The following STON2 variants were observed in gnomAD, a reference collection of about 807,000 sequenced individuals.
The protein encoded by STON2 is stonin 2.
Under a neutral mutation model 65.7 loss-of-function variants are expected in STON2, and 29 were observed. The observed-to-expected ratio is 0.44, with a 90% CI of 0.33 to 0.60. The LOEUF is 0.60. Among genes scored for constraint, STON2 ranks in the 20% least tolerant of loss-of-function variants. The probability of loss-of-function intolerance (pLI) is 0.03; values close to 1 mark genes in which losing one functional copy is unlikely to be tolerated. For missense variants in STON2, 1,054 were observed against 1,118.1 expected (o/e 0.94, Z 0.82); for synonymous variants, 404 against 414.2 (o/e 0.98, Z 0.30).
At chr14:81,333,350 C>T in intron 4 of STON2, 1 of 514,410 alleles carries the variant, frequency 1.9e-6, no homozygotes. Context: ...AGATAGTTAC[C>T]ATGTCATTCA....
At chr14:81,347,884 T>A (rs901063799) in intron 4 of STON2, among the ~76,000 whole-genome samples, 13 of 105,372 alleles carry the variant, frequency 1.2e-4, no homozygotes, top group South Asian at 3.1e-4. Flanking sequence ...AGCAACAGAG[T>A]AGGACCCTGT....
intron 3 of STON2, among the ~76,000 whole-genome samples, chr14:81,384,600 G>A (rs894713352): frequency 6.6e-6 from 1 of 152,014 alleles, no homozygotes; most frequent in African/African-American, 2.4e-5. Flanking sequence ...CTGTCCCCCC[G>A]CAGAATGTGG....
intron 4 of STON2, among the ~76,000 whole-genome samples, chr14:81,325,770 G>A (rs1896984532): frequency 2.0e-5 from 3 of 152,154 alleles, no homozygotes; most frequent in African/African-American, 4.8e-5. Flanking sequence ...GTCAAGAAAA[G>A]TAAAAGTTAG....
intron 6 of STON2, among the ~76,000 whole-genome samples, chr14:81,271,263 C>T (rs1197293897): frequency 6.6e-6 from 1 of 152,162 alleles, no homozygotes; most frequent in Non-Finnish European, 1.5e-5. Context: ...TGACAGCTTC[C>T]TGGAGCAAAT....
intron 4 of STON2, among the ~76,000 whole-genome samples, chr14:81,360,557 C>G (rs117792464): frequency 5.1e-3 from 771 of 152,180 alleles, no homozygotes; most frequent in Non-Finnish European, 7.1e-3. Context: ...ATTAAACACA[C>G]AGCTAACATT....
chr14:81,380,618 T>TA (rs1899468474), intron 3 of STON2, among the ~76,000 whole-genome samples: 1 of 152,114 alleles, frequency 6.6e-6, no homozygotes, highest in Non-Finnish European at 1.5e-5. Flanking sequence ...GTGGAACATA[T>TA]ACACGATGGA....
intron 4 of STON2, among the ~76,000 whole-genome samples, chr14:81,329,056 C>T (rs1200820196): frequency 6.6e-6 from 1 of 152,088 alleles, no homozygotes; most frequent in Non-Finnish European, 1.5e-5. Context: ...CCAGAACGTA[C>T]GAATGTGACT....
intron 3 of STON2, among the ~76,000 whole-genome samples, chr14:81,385,302 A>G (rs1899740876): frequency 6.6e-6 from 1 of 152,210 alleles, no homozygotes; most frequent in African/African-American, 2.4e-5. Flanking sequence ...TATTTTTAAG[A>G]ACACTTCACC....
At chr14:81,297,701 T>C (rs1049571742) in intron 5 of STON2, among the ~76,000 whole-genome samples, 1 of 152,240 alleles carries the variant, frequency 6.6e-6, no homozygotes, top group Admixed American at 6.5e-5. Flanking sequence ...TTGCTTCGTA[T>C]AGTATAAAAC....
intron 7 of STON2, chr14:81,269,929 A>G (rs960490535): frequency 3.0e-6 from 3 of 985,234 alleles, no homozygotes; most frequent in Admixed American, 6.2e-5. Context: ...ATAGCCCAGT[A>G]CCCAGGTCAT....
At chr14:81,270,449 G>T in intron 7 of STON2, 6 of 1,465,494 alleles carry the variant, frequency 4.1e-6, no homozygotes, top group South Asian at 1.5e-5. Flanking sequence ...CCTCTTTGAT[G>T]AGCCTCTTTA....
At chr14:81,381,792 T>C (rs1899531645) in intron 3 of STON2, among the ~76,000 whole-genome samples, 1 of 152,106 alleles carries the variant, frequency 6.6e-6, no homozygotes, top group African/African-American at 2.4e-5. Context: ...TATGAACACA[T>C]CCTAAAGCAC....
At chr14:81,389,274 T>C (rs1899965958) in intron 3 of STON2, among the ~76,000 whole-genome samples, 1 of 152,224 alleles carries the variant, frequency 6.6e-6, no homozygotes, top group Non-Finnish European at 1.5e-5. Context: ...TTTTCCTGGC[T>C]GAAATTTTTT....
chr14:81,409,430 A>T (rs547253542), intron 2 of STON2, among the ~76,000 whole-genome samples: 24 of 147,732 alleles, frequency 1.6e-4, no homozygotes, highest in South Asian at 8.5e-4. Flanking sequence ...TAAATATAAA[A>T]ATATATATAT....
At chr14:81,403,028 T>C (rs1340452164), upstream of STON2, among the ~76,000 whole-genome samples, 1 of 152,208 alleles carries the variant, frequency 6.6e-6, no homozygotes. Flanking sequence ...AATTGTCGTA[T>C]AAATGCAGGC....
At chr14:81,364,219 G>T (rs184562356) in intron 4 of STON2, among the ~76,000 whole-genome samples, 113 of 152,292 alleles carry the variant, frequency 7.4e-4, no homozygotes, top group African/African-American at 2.6e-3. Flanking sequence ...ACTGTGATCC[G>T]TTAAATGCAA....
chr14:81,403,483 C>T (rs139873886), upstream of STON2, among the ~76,000 whole-genome samples: 37 of 152,264 alleles, frequency 2.4e-4, no homozygotes, highest in African/African-American at 7.7e-4. Flanking sequence ...GCTTTGTCAA[C>T]GGCTGCTAGA....
intron 3 of STON2, among the ~76,000 whole-genome samples, chr14:81,390,150 C>T (rs893774493): frequency 9.3e-5 from 14 of 150,916 alleles, no homozygotes; most frequent in Admixed American, 8.6e-4. Context: ...GCTGAGATTG[C>T]GCCACTGGAC....
At chr14:81,302,428 C>T (rs1029003066) in intron 5 of STON2, among the ~76,000 whole-genome samples, 1 of 152,162 alleles carries the variant, frequency 6.6e-6, no homozygotes, top group African/African-American at 2.4e-5. Context: ...GCTCAGTATC[C>T]CTTCGGATGG....
Sources: allele counts gnomAD v4.1 joint callset (sites outside exome capture counted in the v4.1 genomes callset), GRCh38; gene constraint gnomAD v4.1.1; transcripts MANE v1.5; gene names NCBI Gene and HGNC (gene_info 2026-07-23, HGNC 2026-07-21).